The following SF3A3 variants were observed in gnomAD, a reference collection of about 807,000 sequenced individuals.
SF3A3 encodes the protein SAP 61.
A neutral mutation model predicts 85.8 loss-of-function variants in SF3A3; 9 were observed. The observed-to-expected ratio is 0.10, with a 90% CI of 0.06 to 0.18. SF3A3 has a LOEUF of 0.18. SF3A3 is among the 10% of genes least tolerant of loss of function. The pLI, the probability that SF3A3 is intolerant of heterozygous loss-of-function variation, is 1.00. For missense variants in SF3A3, 306 were observed against 593.3 expected, an observed-to-expected ratio of 0.52 and a Z score of 5.03; for synonymous variants, 195 against 204.4, an observed-to-expected ratio of 0.95 and a Z score of 0.39.
chr1:37,985,403 C>G (rs1464304956), intron 4 of SF3A3, among the ~76,000 whole-genome samples: 1 of 127,606 alleles, frequency 7.8e-6, no homozygotes, highest in African/African-American at 2.7e-5. Flanking sequence ...ATTAGAATCA[C>G]CTGGGGGAGT....
chr1:37,987,713 C>T, intron 3 of SF3A3, 35 bp from the exon 4 acceptor site: 1 of 1,603,516 alleles, frequency 6.2e-7, no homozygotes, highest in Non-Finnish European at 8.5e-7. Context: ...GAAGATAGAG[C>T]ACAAAGTCAG....
chr1:37,969,749 A>C lies in SF3A3; in HGVS notation c.1006-14T>G. 1 of 1,608,686 alleles carries C rather than the reference A, an allele frequency of 6.2e-7. No individual in the cohort carries two copies. The highest frequency in any genetic ancestry group is 8.5e-7 in the Non-Finnish European group (1 of 1,176,438). ...ATGTCGCTGTTCCTAAAGCAGGTCC[A>C]TAAATGAAAAGTCAGAAAAAAGTAG... is the stretch of plus-strand genomic sequence containing the variant. On this transcript the variant is annotated splice_polypyrimidine_tract_variant and intron_variant, in intron 12 of 16. Transcript: ENST00000373019.
chr1:37,987,084 C>T (rs1455998271), intron 4 of SF3A3, among the ~76,000 whole-genome samples: 5 of 148,730 alleles, frequency 3.4e-5, no homozygotes, highest in Non-Finnish European at 5.9e-5. Flanking sequence ...GTGGCCTTGA[C>T]TTCTTTTTTT....
At position 37,958,118 on chromosome 1, in the gene SF3A3, G is replaced by A. The variant is rs1404081197; in HGVS notation, c.*68C>T. On this transcript the variant is annotated 3_prime_UTR_variant, in exon 17 of 17. Coordinates refer to ENST00000373019, the MANE Select transcript of SF3A3 (RefSeq NM_006802.4). ...AGGGTCTTTAAGAGGATTTGGTTGG[G>A]AGAAATAGAAAAAGCAGATCTTAGG... 1 of 1,033,194 alleles carries A rather than the reference G, an allele frequency of 9.7e-7. No homozygotes were observed. Among genetic ancestry groups the A allele is most frequent in the Non-Finnish European group, 1.5e-6 (1 of 652,530 alleles). The allele number at this position is 1,033,194 out of a possible 1,614,324, so 64.0% of individuals were successfully genotyped here. A position where few individuals can be genotyped will look rare whatever the true frequency, so the allele number is the denominator to read the frequency against.
At chr1:37,979,649 A>G (rs1197928324) in intron 8 of SF3A3, 116 bp from the exon 9 acceptor site, 7 of 641,470 alleles carry the variant, frequency 1.1e-5, no homozygotes, top group Non-Finnish European at 1.9e-5. Flanking sequence ...TGAGTTCAGG[A>G]GTTAGAGACC....
In SF3A3 at chr1:37,979,343, A is replaced by G. The variant is rs142061986; in HGVS notation, c.759+122T>C. 3.9e-6 allele frequency: 3 copies of G among 767,606 alleles called. No homozygotes were observed. The African/African-American group carries it at 5.2e-5, about 13-fold the overall frequency. 47.5% of individuals were successfully genotyped at this position (767,606 alleles called of 1,614,324 possible). Reference sequence around the variant, plus strand: ...TTTTGCCTTGCTACTTTCTTTGTAGATGCTTGATCTCAAGAAATAGTGCCT... The same window carrying G: ...TTTTGCCTTGCTACTTTCTTTGTAGGTGCTTGATCTCAAGAAATAGTGCCT... On this transcript the variant is annotated intron_variant, in intron 9 of 16. Coordinates refer to ENST00000373019, the MANE Select transcript of SF3A3 (RefSeq NM_006802.4).
At position 37,989,967 on chromosome 1, in the gene SF3A3, T is replaced by C. The variant is rs765687005; in HGVS notation, c.-2A>G. The C allele has an allele frequency of 1.9e-6, 3 of 1,608,580 alleles. No individual in the cohort carries two copies. Among genetic ancestry groups the C allele is most frequent in the Non-Finnish European group, 2.5e-6 (3 of 1,178,074 alleles). ...CTGCTGCTCCAGTATTGTCTCCATC[T>C]TCCCTTAGTCGCGGCTTCTCAATTC... On this transcript the variant is annotated 5_prime_UTR_variant, in exon 1 of 17. Transcript: ENST00000373019.
At chr1:37,960,060 T>G in intron 16 of SF3A3, 60 bp downstream of exon 16, 1 of 1,369,162 alleles carries the variant, frequency 7.3e-7, no homozygotes, top group Admixed American at 1.7e-5. Context: ...CCTTTCTACA[T>G]GGTGAGGGAG....
chr1:37,964,399 A>G (rs1196070126), intron 15 of SF3A3, among the ~76,000 whole-genome samples: 2 of 152,034 alleles, frequency 1.3e-5, no homozygotes, highest in East Asian at 3.9e-4. Context: ...GAGATCAGGA[A>G]TTTGAGACCA....
chr1:37,987,345 C>T (rs1014331990), intron 4 of SF3A3, among the ~76,000 whole-genome samples: 5 of 152,200 alleles, frequency 3.3e-5, no homozygotes, highest in Non-Finnish European at 7.3e-5. Flanking sequence ...TCCCAAAGTG[C>T]TGGGATTACA....
chr1:37,970,935 CAATT>C (rs1160278361), intron 12 of SF3A3, among the ~76,000 whole-genome samples: 6 of 151,976 alleles, frequency 3.9e-5, no homozygotes, highest in Non-Finnish European at 7.4e-5. Flanking sequence ...CCTAACATCA[CAATT>C]AAAAGAACTA....
rs757671421 is a variant in SF3A3 at position 37,960,116 on chromosome 1, C to G, written c.1428+4G>C. 72 of 1,613,264 alleles carry G rather than the reference C, an allele frequency of 4.5e-5. No individual in the cohort carries two copies. The highest frequency in any genetic ancestry group is 3.4e-6 in the Non-Finnish European group (4 of 1,179,514). On this transcript the variant is annotated splice_donor_region_variant and intron_variant, in intron 16 of 16. Transcript: ENST00000373019. ...TCCCTAACACCATCCACATTAGTAC[C>G]CACCTCAGTGTCAGGCTGCCATCGT...
chr1:37,972,940 G>C (rs1646353364), intron 12 of SF3A3, among the ~76,000 whole-genome samples: 1 of 152,194 alleles, frequency 6.6e-6, no homozygotes, highest in Admixed American at 6.5e-5. Flanking sequence ...CAGCACTTTG[G>C]GAGGCCAAGG....
At position 37,969,717 on chromosome 1, in the gene SF3A3, G is replaced by A. The variant is rs1459543049; in HGVS notation, c.1024C>T (p.His342Tyr). ...EILGEQRHLT[H>Y]ENVQRKQART... ...GCTTGCTTGCGCTGTACATTTTCAT[G>A]AGTGAGATGTCGCTGTTCCTAAAGC... The change falls in exon 13 of 17, where the codon CAT becomes TAT. Residue 342 changes from histidine to tyrosine, a missense_variant. Around this residue, in one of 4 missense-constraint regions of SF3A3, gnomAD observed 136 missense variants for 296.6 expected, o/e 0.46. Coordinates refer to ENST00000373019, the MANE Select transcript of SF3A3 (RefSeq NM_006802.4). 5 of 1,614,110 alleles carry A rather than the reference G, an allele frequency of 3.1e-6. No individual in the cohort carries two copies. The South Asian group carries it at 5.5e-5, about 18-fold the overall frequency.
intron 15 of SF3A3, among the ~76,000 whole-genome samples, chr1:37,963,625 C>T (rs1646277708): frequency 1.3e-5 from 2 of 150,482 alleles, no homozygotes; most frequent in South Asian, 2.1e-4. Context: ...GGCAGGATCT[C>T]GGCTCACTGC....
chr1:37,978,666 G>C, intron 11 of SF3A3, 54 bp downstream of exon 11: 1 of 1,168,874 alleles, frequency 8.6e-7, no homozygotes, highest in East Asian at 2.6e-5. Flanking sequence ...TAAAAATTCT[G>C]CATGGGAATA....
intron 5 of SF3A3, among the ~76,000 whole-genome samples, 172 bp downstream of exon 5, chr1:37,984,535 T>C (rs932054566): frequency 6.6e-6 from 1 of 152,210 alleles, no homozygotes; most frequent in Non-Finnish European, 1.5e-5. Flanking sequence ...GAGAACAAAA[T>C]GAACATTTTG....
intron 11 of SF3A3, among the ~76,000 whole-genome samples, chr1:37,977,164 C>T (rs754653674): frequency 2.0e-5 from 3 of 152,150 alleles, no homozygotes; most frequent in African/African-American, 4.8e-5. Context: ...CCTCTATGAC[C>T]TCACTTAGAA....
chr1:37,986,386 CCA>C (rs1296332834), intron 4 of SF3A3, among the ~76,000 whole-genome samples: 1 of 152,200 alleles, frequency 6.6e-6, no homozygotes, highest in Non-Finnish European at 1.5e-5. Flanking sequence ...ACAGTTGACA[CCA>C]TGACTGCCTT....
Sources: allele counts gnomAD v4.1 joint callset (sites outside exome capture counted in the v4.1 genomes callset), GRCh38; gene constraint gnomAD v4.1.1; regional missense constraint gnomAD v4.1.1; transcripts MANE v1.5; gene names NCBI Gene and HGNC (gene_info 2026-07-23, HGNC 2026-07-21).